AFAP1: variants seen among roughly 807,000 people sequenced by gnomAD.
AFAP1 encodes actin filament associated protein 1.
In AFAP1, 75 loss-of-function variants were observed where a neutral mutation model predicts 93.9. The observed-to-expected ratio is 0.80, with a 90% CI of 0.66 to 0.97. AFAP1 has a LOEUF of 0.97. Among genes scored for constraint, AFAP1 ranks in the 50% least tolerant of loss-of-function variants. The pLI is 0.00. For missense variants in AFAP1, 1,201 were observed against 1,050.8 expected, an observed-to-expected ratio of 1.14 and a Z score of -1.98; for synonymous variants, 517 against 430.7, an observed-to-expected ratio of 1.20 and a Z score of -2.48.
chr4:7,834,108 C>CACAT (rs1711981229), intron 6 of AFAP1, among the ~76,000 whole-genome samples: 1 of 137,404 alleles, frequency 7.3e-6, no homozygotes, highest in Non-Finnish European at 1.5e-5. Context: ...CACACACACA[C>CACAT]ACACACACAC....
chr4:7,925,841 G>A (rs1006124243), intron 1 of AFAP1, among the ~76,000 whole-genome samples: 6 of 52,650 alleles, frequency 1.1e-4, no homozygotes, highest in African/African-American at 2.8e-4. Flanking sequence ...GCGAAACTCT[G>A]TCTCAAAAAA....
chr4:7,919,514 GTTC>G, intron 1 of AFAP1, among the ~76,000 whole-genome samples: 1 of 152,320 alleles, frequency 6.6e-6, no homozygotes, highest in East Asian at 1.9e-4. Flanking sequence ...AGCCGATTGA[GTTC>G]TTATCAGAAC....
chr4:7,838,500 T>C (rs772323419), intron 6 of AFAP1, 24 bp downstream of exon 6: 2 of 1,593,832 alleles, frequency 1.3e-6, no homozygotes, highest in South Asian at 1.1e-5. Flanking sequence ...CTGAAATGGC[T>C]GTGAAACACA....
At chr4:7,916,521 G>A (rs911368231) in intron 1 of AFAP1, among the ~76,000 whole-genome samples, 10 of 152,128 alleles carry the variant, frequency 6.6e-5, no homozygotes, top group Admixed American at 5.2e-4. Flanking sequence ...GAAATTTCCT[G>A]ACCCAGCGAA....
intron 1 of AFAP1, among the ~76,000 whole-genome samples, chr4:7,880,023 AAGAATT>A (rs1486792823): frequency 6.6e-6 from 1 of 152,142 alleles, no homozygotes; most frequent in African/African-American, 2.4e-5. Context: ...CAAGGGAAAT[AAGAATT>A]AGAACTAGAC....
At chr4:7,794,047 T>C (rs1199569409) in intron 10 of AFAP1, among the ~76,000 whole-genome samples, 1 of 152,136 alleles carries the variant, frequency 6.6e-6, no homozygotes, top group Non-Finnish European at 1.5e-5. Flanking sequence ...TGAATGAAAC[T>C]CTGAGGTCCT....
intron 6 of AFAP1, among the ~76,000 whole-genome samples, chr4:7,827,226 C>T (rs1340186647): frequency 6.6e-6 from 1 of 151,942 alleles, no homozygotes; most frequent in East Asian, 1.9e-4. Flanking sequence ...GGAGTATCCA[C>T]AATCTACGGG....
chr4:7,843,499 A>C, intron 4 of AFAP1, 149 bp from the exon 5 acceptor site: 1 of 746,020 alleles, frequency 1.3e-6, no homozygotes, highest in Non-Finnish European at 2.1e-6. Flanking sequence ...CAAAAACAAA[A>C]ACAAAAATAA....
chr4:7,929,863 G>C (rs373349243), intron 1 of AFAP1, among the ~76,000 whole-genome samples: 2 of 152,190 alleles, frequency 1.3e-5, no homozygotes, highest in Non-Finnish European at 2.9e-5. Context: ...CGGAGGTGCC[G>C]GCTCTGTTCT....
At chr4:7,809,357 T>A (rs1577237046) in intron 9 of AFAP1, 1 of 280,162 alleles carries the variant, frequency 3.6e-6, no homozygotes, top group South Asian at 1.3e-4. Flanking sequence ...TGGGGGAACT[T>A]CAGAGGATTA....
intron 6 of AFAP1, among the ~76,000 whole-genome samples, chr4:7,830,051 G>A (rs1478774556): frequency 6.6e-6 from 1 of 152,140 alleles, no homozygotes; most frequent in Admixed American, 6.5e-5. Flanking sequence ...TAAAGAAAGA[G>A]GAAGTGCTCT....
chr4:7,910,834 C>T (rs528979714), intron 1 of AFAP1, among the ~76,000 whole-genome samples: 15 of 152,282 alleles, frequency 9.9e-5, no homozygotes, highest in African/African-American at 3.4e-4. Context: ...ATCACGGAGG[C>T]CTAGGGAGGT....
chr4:7,806,815 CTAAT>C (rs774815315), intron 9 of AFAP1, among the ~76,000 whole-genome samples: 15 of 152,308 alleles, frequency 9.8e-5, no homozygotes, highest in Non-Finnish European at 1.9e-4. Context: ...ATCCATGTGT[CTAAT>C]TAGATGCTGT....
intron 1 of AFAP1, among the ~76,000 whole-genome samples, chr4:7,918,391 T>A (rs113869828): frequency 3.2e-4 from 34 of 105,132 alleles, no homozygotes; most frequent in East Asian, 9.9e-4. Flanking sequence ...GGCTGCCGGA[T>A]GAGACACTCG....
intron 6 of AFAP1, among the ~76,000 whole-genome samples, chr4:7,820,939 A>C (rs1720920283): frequency 6.6e-6 from 1 of 152,050 alleles, no homozygotes; most frequent in Non-Finnish European, 1.5e-5. Flanking sequence ...ACCAACATGG[A>C]GAAGCCCCAT....
At chr4:7,848,428 G>C (rs1472592126) in intron 4 of AFAP1, among the ~76,000 whole-genome samples, 2 of 152,154 alleles carry the variant, frequency 1.3e-5, no homozygotes, top group South Asian at 4.1e-4. Flanking sequence ...CCGTCTGAGA[G>C]GGAGGTCTGA....
At chr4:7,828,997 G>C in intron 6 of AFAP1, among the ~76,000 whole-genome samples, 1 of 152,292 alleles carries the variant, frequency 6.6e-6, no homozygotes, top group Middle Eastern at 3.4e-3. Flanking sequence ...TGCTGTTCTC[G>C]TGATAGTTAC....
chr4:7,930,197 T>C (rs1056277291), intron 1 of AFAP1, among the ~76,000 whole-genome samples: 3 of 152,200 alleles, frequency 2.0e-5, no homozygotes, highest in Non-Finnish European at 2.9e-5. Context: ...AACAGCCAAA[T>C]GCAAGAGACG....
chr4:7,800,631 G>A lies in AFAP1; in HGVS notation c.1077C>T (p.Asn359=), dbSNP rs1718935033. 1.9e-6 allele frequency: 3 copies of A among 1,614,214 alleles called. No homozygotes were observed. Among genetic ancestry groups the A allele is most frequent in the African/African-American group, 1.3e-5 (1 of 75,054 alleles). The change falls in exon 10 of 18, where the codon AAC becomes AAT. Residue 359 remains asparagine, a synonymous_variant. Transcript: ENST00000420658. ...PTCGYLNVLS[N]SRWRERWCRV... ...GGCACCAGCGCTCTCGCCAGCGGCT[G>A]TTGGAGAGCACGTTCAGATAGCCTG...
Sources: gnomAD v4.1 joint callset for allele counts (sites outside exome capture counted in the v4.1 genomes callset) on GRCh38, gnomAD v4.1.1 for gene constraint, MANE v1.5 for transcripts, NCBI Gene and HGNC (gene_info 2026-07-23, HGNC 2026-07-21) for gene names.